RYR2: variants seen among roughly 807,000 people sequenced by gnomAD.
The protein encoded by RYR2 is ryanodine receptor 2.
RYR2 carries 227 observed loss-of-function variants against 601.1 expected under a neutral mutation model. That is an observed-to-expected ratio of 0.38 (90% CI 0.34 to 0.42). The LOEUF is 0.42. RYR2 is among the 10% of genes least tolerant of loss of function. RYR2 has a pLI of 1.00. For missense variants in RYR2, 4,646 were observed against 6,156.5 expected, an observed-to-expected ratio of 0.75 and a Z score of 8.21; for synonymous variants, 2,223 against 2,175.1, an observed-to-expected ratio of 1.02 and a Z score of -0.61.
chr1:237,045,444 C>T (rs1444197015), intron 1 of RYR2, among the ~76,000 whole-genome samples: 2 of 152,168 alleles, frequency 1.3e-5, no homozygotes, highest in Admixed American at 6.5e-5. Flanking sequence ...AGTTGGCTCA[C>T]ATTCCTTCCA....
intron 1 of RYR2, among the ~76,000 whole-genome samples, chr1:237,072,445 G>A (rs1251778079): frequency 6.6e-6 from 1 of 152,216 alleles, no homozygotes; most frequent in Admixed American, 6.5e-5. Flanking sequence ...CAAAGGGGCA[G>A]AGACAAGGAG....
At position 237,161,958 on chromosome 1, in the gene RYR2, T is replaced by C. The variant is rs375663689; in HGVS notation, c.49-108539T>C. On this transcript the variant is annotated intron_variant, in intron 1 of 104. Transcript: ENST00000366574. ...GTGTAGTGAACATTTGTTGAGCACCTGTTATGTGTTAGAAATTTTTTTTTT... is the reference window on the plus strand; with the variant it reads ...GTGTAGTGAACATTTGTTGAGCACCCGTTATGTGTTAGAAATTTTTTTTTT... 3.9e-5 allele frequency among the ~76,000 whole-genome samples: 6 copies of C among 152,344 alleles called. No homozygotes were observed. The South Asian group carries it at 6.2e-4, about 16-fold the overall frequency.
At chr1:237,271,568 A>G (rs777997105) in intron 2 of RYR2, among the ~76,000 whole-genome samples, 1 of 152,156 alleles carries the variant, frequency 6.6e-6, no homozygotes, top group Non-Finnish European at 1.5e-5. Context: ...CCTTGTTATT[A>G]TTAAAAATTC....
rs903255325 is a variant in RYR2 at position 237,209,925 on chromosome 1, G to A, written c.49-60572G>A. ...ATGTTCAGGATTTTAGAGAGGTTGT[G>A]CATCTCTTTCTATGTTTTAAATCTT... On this transcript the variant is annotated intron_variant, in intron 1 of 104. Coordinates refer to ENST00000366574, the MANE Select transcript of RYR2 (RefSeq NM_001035.3). 4.3e-4 allele frequency among the ~76,000 whole-genome samples: 65 copies of A among 152,250 alleles called. 1 individual carries two copies. Among genetic ancestry groups the A allele is most frequent in the African/African-American group, 1.5e-3 (62 of 41,562 alleles).
chr1:237,781,642 A>G lies in RYR2; in HGVS notation c.11958A>G (p.Leu3986=), dbSNP rs762362078. 1.2e-5 allele frequency: 18 copies of G among 1,551,728 alleles called. No homozygotes were observed. The Admixed American group carries it at 1.2e-4, about 11-fold the overall frequency. Residue 3986 remains leucine (L), a synonymous_variant, in exon 89 of 105, where the codon TTA becomes TTG. Coordinates refer to ENST00000366574, the MANE Select transcript of RYR2 (RefSeq NM_001035.3). ...KDMVVMLLSM[L]EGNVVNGTIG... ...TGGTGGTCATGTTGCTGTCCATGTT[A>G]GAAGGTAGTTTTGATTTATACTTTT...
intron 1 of RYR2, among the ~76,000 whole-genome samples, chr1:237,241,614 T>C (rs1686178173): frequency 6.6e-6 from 1 of 152,156 alleles, no homozygotes; most frequent in Non-Finnish European, 1.5e-5. Context: ...AATAAAATGG[T>C]GGCTACTCCA....
intron 84 of RYR2, among the ~76,000 whole-genome samples, chr1:237,764,986 T>C (rs895674960): frequency 1.3e-5 from 2 of 152,102 alleles, no homozygotes; most frequent in African/African-American, 2.4e-5. Context: ...GTTTGACCTC[T>C]GTCTCCTTTT....
At chr1:237,145,309 C>G (rs1476037788) in intron 1 of RYR2, among the ~76,000 whole-genome samples, 1 of 152,066 alleles carries the variant, frequency 6.6e-6, no homozygotes, top group East Asian at 1.9e-4. Context: ...TCTAAGACAC[C>G]TATGTGGTTG....
At chr1:237,657,184 T>C (rs756420062) in intron 53 of RYR2, among the ~76,000 whole-genome samples, 8 of 152,216 alleles carry the variant, frequency 5.3e-5, no homozygotes, top group Non-Finnish European at 1.5e-5. Flanking sequence ...CGATTTTTTA[T>C]ATATTGCTTC....
At chr1:237,775,015 G>GA (rs1286389047) in intron 87 of RYR2, among the ~76,000 whole-genome samples, 1 of 137,556 alleles carries the variant, frequency 7.3e-6, no homozygotes, top group Non-Finnish European at 1.5e-5. Context: ...ATTTCTATGT[G>GA]AATGTTTAAA....
At chr1:237,669,511 C>CT (rs35158623) in intron 58 of RYR2, among the ~76,000 whole-genome samples, 36,007 of 148,248 alleles carry the variant, frequency 0.24, 5,036 homozygotes, top group Middle Eastern at 0.46. Context: ...GGGGGCTGAC[C>CT]CCCCCCACCT....
intron 29 of RYR2, among the ~76,000 whole-genome samples, chr1:237,582,665 A>G (rs1674055616): frequency 1.3e-5 from 2 of 152,086 alleles, no homozygotes; most frequent in African/African-American, 4.8e-5. Flanking sequence ...TGTAAGTGAG[A>G]ATACACAGTG....
intron 27 of RYR2, among the ~76,000 whole-genome samples, chr1:237,551,864 G>A (rs1174012380): frequency 3.3e-5 from 5 of 152,108 alleles, no homozygotes; most frequent in Non-Finnish European, 5.9e-5. Context: ...GATGATGCTT[G>A]TATTACGCTC....
intron 18 of RYR2, among the ~76,000 whole-genome samples, chr1:237,492,187 A>G (rs1170368457): frequency 6.6e-6 from 1 of 152,156 alleles, no homozygotes; most frequent in Non-Finnish European, 1.5e-5. Flanking sequence ...GCATGCCACC[A>G]TGCCCGGCTA....
chr1:237,569,893 G>A (rs531096815), intron 29 of RYR2, among the ~76,000 whole-genome samples: 22 of 152,180 alleles, frequency 1.4e-4, no homozygotes, highest in Non-Finnish European at 2.1e-4. Flanking sequence ...TGCCTGTGGG[G>A]CCCCGAGATG....
At chr1:237,744,349 T>TAAAA (rs752916603) in intron 80 of RYR2, among the ~76,000 whole-genome samples, 5 of 141,062 alleles carry the variant, frequency 3.5e-5, no homozygotes, top group Non-Finnish European at 6.2e-5. Flanking sequence ...TTTGTTTGTT[T>TAAAA]AAAAAAAAAA....
intron 35 of RYR2, among the ~76,000 whole-genome samples, chr1:237,609,657 GC>G (rs1456658795): frequency 6.6e-6 from 1 of 151,986 alleles, no homozygotes; most frequent in Admixed American, 6.6e-5. Context: ...GAGCCATGGT[GC>G]CTAGCCCAGT....
intron 2 of RYR2, among the ~76,000 whole-genome samples, chr1:237,298,179 T>TGGTGCACATGGTG (rs1316283450): frequency 6.6e-6 from 1 of 152,162 alleles, no homozygotes; most frequent in African/African-American, 2.4e-5. Context: ...CACTCATTCA[T>TGGTGCACATGGTG]CACTCAACCA....
At chr1:237,488,171 G>A (rs568448996) in intron 17 of RYR2, among the ~76,000 whole-genome samples, 1 of 152,004 alleles carries the variant, frequency 6.6e-6, no homozygotes, top group Non-Finnish European at 1.5e-5. Context: ...TAACTTCTTG[G>A]TCTTTTTTCT....
Sources: gnomAD v4.1 joint callset for allele counts (sites outside exome capture counted in the v4.1 genomes callset) on GRCh38, gnomAD v4.1.1 for gene constraint, MANE v1.5 for transcripts, NCBI Gene and HGNC (gene_info 2026-07-23, HGNC 2026-07-21) for gene names.